KLC1: variants seen among roughly 807,000 people sequenced by gnomAD.
The protein encoded by KLC1 is kinesin 2 60/70kDa.
A neutral mutation model predicts 84.2 loss-of-function variants in KLC1; 30 were observed. The observed-to-expected ratio is 0.36, with a 90% CI of 0.27 to 0.48. KLC1 has a LOEUF of 0.48. KLC1 is among the 20% of genes least tolerant of loss of function. The pLI, the probability that KLC1 is intolerant of heterozygous loss-of-function variation, is 0.99. For missense variants in KLC1, 499 were observed against 805.4 expected, an observed-to-expected ratio of 0.62 and a Z score of 4.60; for synonymous variants, 289 against 293.3, an observed-to-expected ratio of 0.99 and a Z score of 0.15.
At chr14:103,662,045 A>G in intron 3 of KLC1, 71 bp from the exon 4 acceptor site, 1 of 967,594 alleles carries the variant, frequency 1.0e-6, no homozygotes, top group Non-Finnish European at 1.6e-6. Context: ...TGTATTTAAT[A>G]TTAAAAATTT....
intron 4 of KLC1, 77 bp from the exon 5 acceptor site, chr14:103,662,625 A>C: frequency 8.4e-7 from 1 of 1,190,208 alleles, no homozygotes; most frequent in East Asian, 2.4e-5. Context: ...AAAGTTAGTA[A>C]AGATAATTTT....
rs1411203019 is a variant in KLC1, at chr14:103,687,155, G to A, written c.1725G>A (p.Lys575=). 1 of 1,549,622 alleles carries A rather than the reference G, an allele frequency of 6.5e-7. No homozygotes were observed. Among genetic ancestry groups the A allele is most frequent in the South Asian group, 1.2e-5 (1 of 83,978 alleles). The change falls in exon 14 of 17, where the codon AAG becomes AAA. Residue 575 remains lysine, a synonymous_variant. Coordinates refer to ENST00000334553, the MANE Select transcript of KLC1 (RefSeq NM_001394837.1). ...LRASIRRSSE[K]LVRKLKGGSS... The stretch of plus-strand genomic sequence containing the variant: ...CTTCCATTAGACGCAGCAGTGAGAA[G>A]CTGGTTAGGAAGCTGAAGGGAGGAA...
chr14:103,691,155 C>CTTTT lies in KLC1; in HGVS notation c.1782-1188_1782-1185dup, dbSNP rs11384297. Among the ~76,000 whole-genome samples, 235 of 129,454 alleles carry CTTTT rather than the reference C, an allele frequency of 1.8e-3. 5 individuals are homozygous for CTTTT. In the East Asian group the frequency reaches 0.02, roughly 11 times the overall value. 84.9% of individuals were successfully genotyped at this position (129,454 alleles called of 152,430 possible). A position where few individuals can be genotyped will look rare whatever the true frequency, so the allele number is the denominator to read the frequency against. ...CTCTGCTCCCAGATGGTTCCCCCCA[C>CTTTT]TTTTTTTTTTTTTTTTTTTCTGAGA... On this transcript the variant is annotated intron_variant, in intron 14 of 16. Coordinates refer to ENST00000334553, the MANE Select transcript of KLC1 (RefSeq NM_001394837.1).
chr14:103,690,042 A>G (rs772649425), intron 14 of KLC1, among the ~76,000 whole-genome samples: 7 of 152,022 alleles, frequency 4.6e-5, no homozygotes, highest in Non-Finnish European at 7.4e-5. Flanking sequence ...TAGCCGGGCC[A>G]GGTGGTGCAT....
intron 1 of KLC1, among the ~76,000 whole-genome samples, chr14:103,639,808 G>A (rs999972216): frequency 2.6e-5 from 4 of 151,294 alleles, no homozygotes; most frequent in South Asian, 4.2e-4. Flanking sequence ...ACCCAGGCTA[G>A]AGCACAATGG....
intron 13 of KLC1, among the ~76,000 whole-genome samples, chr14:103,684,604 G>GCAGCTGGGTCGGA: frequency 6.6e-6 from 1 of 152,250 alleles, no homozygotes; most frequent in Non-Finnish European, 1.5e-5. Flanking sequence ...GGAGGAGGAG[G>GCAGCTGGGTCGGA]CAGCTGGGTC....
Position 103,692,442 on chromosome 14 carries a change from G to A in KLC1, c.1848+17G>A, listed in dbSNP as rs1461512625. The A allele has an allele frequency of 4.6e-6, 7 of 1,535,792 alleles. No individual in the cohort carries two copies. Among genetic ancestry groups the A allele is most frequent in the African/African-American group, 2.7e-5 (2 of 73,036 alleles). On this transcript the variant is annotated intron_variant, in intron 15 of 16. Coordinates refer to ENST00000334553, the MANE Select transcript of KLC1 (RefSeq NM_001394837.1). ...CGCTTTCAAGTAAGGAGCCTACCCC[G>A]AATTGTGTCCTAGGCTGCCCAGACC...
At chr14:103,632,677 C>T (rs373909652) in intron 1 of KLC1, among the ~76,000 whole-genome samples, 89 of 152,162 alleles carry the variant, frequency 5.8e-4, no homozygotes, top group African/African-American at 2.0e-3. Context: ...GCCGAGATCA[C>T]GCCATTGCAC....
At chr14:103,668,520 C>G (rs1455946941) in intron 5 of KLC1, among the ~76,000 whole-genome samples, 2 of 152,122 alleles carry the variant, frequency 1.3e-5, no homozygotes, top group Non-Finnish European at 2.9e-5. Context: ...CTCTGTCACC[C>G]AGGCTTTAGT....
chr14:103,675,451 G>T (rs1484737182), intron 9 of KLC1, 101 bp from the exon 10 acceptor site: 2 of 940,786 alleles, frequency 2.1e-6, no homozygotes, highest in Non-Finnish European at 3.2e-6. Flanking sequence ...AACTTTTCGA[G>T]TGCCGACTTG....
At chr14:103,685,052 C>G (rs745833290) in intron 13 of KLC1, 3 of 1,547,532 alleles carry the variant, frequency 1.9e-6, no homozygotes, top group Admixed American at 2.0e-5. Context: ...TCCGAGCGGG[C>G]GGGGCGCAGG....
intron 15 of KLC1, chr14:103,700,343 T>C: frequency 3.0e-6 from 1 of 329,080 alleles, no homozygotes; most frequent in Non-Finnish European, 5.6e-6. Flanking sequence ...GTCCTCGGCC[T>C]CCCTCTGGGT....
At chr14:103,696,303 G>A (rs1021945412) in intron 15 of KLC1, 40 of 985,368 alleles carry the variant, frequency 4.1e-5, no homozygotes, top group East Asian at 2.3e-4. Flanking sequence ...CTCAGAGGCC[G>A]GTGGTGCCCG....
intron 1 of KLC1, among the ~76,000 whole-genome samples, chr14:103,654,184 T>A (rs1462537785): frequency 2.0e-5 from 3 of 152,234 alleles, no homozygotes; most frequent in African/African-American, 7.2e-5. Context: ...AGTTAAACAT[T>A]TTACCAAGAA....
intron 15 of KLC1, chr14:103,696,249 A>G (rs1193718057): frequency 9.1e-6 from 9 of 985,216 alleles, no homozygotes; most frequent in East Asian, 1.1e-4. Context: ...GTCCTGTGAC[A>G]TGGATGCTTC....
chr14:103,670,588 G>A (rs1383505957), intron 7 of KLC1, among the ~76,000 whole-genome samples: 1 of 151,474 alleles, frequency 6.6e-6, no homozygotes, highest in Non-Finnish European at 1.5e-5. Flanking sequence ...GCCCGCCTTG[G>A]CCTCCCAAAG....
intron 1 of KLC1, among the ~76,000 whole-genome samples, chr14:103,633,418 G>T (rs111790354): frequency 6.6e-6 from 1 of 152,104 alleles, no homozygotes; most frequent in African/African-American, 2.4e-5. Context: ...GCAGTGGTGG[G>T]GCAGGTGCTG....
intron 7 of KLC1, among the ~76,000 whole-genome samples, chr14:103,672,283 G>C (rs1169272585): frequency 6.6e-6 from 1 of 152,200 alleles, no homozygotes; most frequent in Non-Finnish European, 1.5e-5. Context: ...ATGTGTAAAG[G>C]CACAAAGCGG....
chr14:103,680,630 CA>C (rs1012071900), intron 13 of KLC1, among the ~76,000 whole-genome samples: 1 of 152,224 alleles, frequency 6.6e-6, no homozygotes, highest in African/African-American at 2.4e-5. Context: ...TGTGCCAAGA[CA>C]ACCAATCAGC....
Sources: gnomAD v4.1 joint callset for allele counts (sites outside exome capture counted in the v4.1 genomes callset) on GRCh38, gnomAD v4.1.1 for gene constraint, MANE v1.5 for transcripts, NCBI Gene and HGNC (gene_info 2026-07-23, HGNC 2026-07-21) for gene names.